The following ABL2 variants were observed in gnomAD, a reference collection of about 807,000 sequenced individuals.
ABL2 encodes ABL proto-oncogene 2, non-receptor tyrosine kinase.
In ABL2, 49 loss-of-function variants were observed where a neutral mutation model predicts 107.7. The ratio of observed to expected loss-of-function variants is 0.45; its 90% CI spans 0.36 to 0.58. The LOEUF (loss-of-function observed/expected upper bound fraction) is 0.58. Ranked by LOEUF, ABL2 falls within the 20% of genes least tolerant of loss-of-function variation. The probability of loss-of-function intolerance (pLI) is 0.00; values close to 1 mark genes in which losing one functional copy is unlikely to be tolerated. For synonymous variants in ABL2, 549 were observed against 548.6 expected, an observed-to-expected ratio of 1.00 and a Z score of -0.01; for missense variants, 1,245 against 1,457.0, an observed-to-expected ratio of 0.85 and a Z score of 2.37.
intron 1 of ABL2, among the ~76,000 whole-genome samples, chr1:179,180,613 G>A (rs1660321856): frequency 6.6e-6 from 1 of 152,104 alleles, no homozygotes; most frequent in African/African-American, 2.4e-5. Context: ...CGTGGCCAAG[G>A]TGCATAAGGG....
chr1:179,107,247 G>A lies in ABL2; in HGVS notation c.*471C>T. 4.2e-6 allele frequency: 1 copy of A among 235,960 alleles called. No individual in the cohort carries two copies. The highest frequency in any genetic ancestry group is 8.4e-6 in the Non-Finnish European group (1 of 119,598). 14.6% of individuals were successfully genotyped at this position (235,960 alleles called of 1,614,324 possible). On this transcript the variant is annotated 3_prime_UTR_variant, in exon 12 of 12. Transcript: ENST00000502732. ...GCTAACAGCTACTTCCAACAGCCCT[G>A]AACAAAAATTTCTCTTGGTACATTC...
chr1:179,219,095 T>G (rs1240135657), intron 1 of ABL2, among the ~76,000 whole-genome samples: 2 of 152,112 alleles, frequency 1.3e-5, no homozygotes, highest in Non-Finnish European at 2.9e-5. Context: ...CAGAATGGAG[T>G]GCAGCGACGT....
At chr1:179,180,092 C>A (rs1423901214) in intron 1 of ABL2, among the ~76,000 whole-genome samples, 1 of 151,472 alleles carries the variant, frequency 6.6e-6, no homozygotes, top group Non-Finnish European at 1.5e-5. Flanking sequence ...TGCACTCCAG[C>A]CTGGGTGACA....
intron 4 of ABL2, among the ~76,000 whole-genome samples, chr1:179,123,831 A>T (rs1655460706): frequency 1.3e-5 from 2 of 152,150 alleles, no homozygotes; most frequent in Admixed American, 6.5e-5. Context: ...AGGTTTCACT[A>T]TATTCCTCAA....
intron 2 of ABL2, among the ~76,000 whole-genome samples, chr1:179,132,556 A>G (rs1656445027): frequency 6.6e-6 from 1 of 151,522 alleles, no homozygotes; most frequent in African/African-American, 2.4e-5. Context: ...TATTATTTTG[A>G]GATGGAGTTT....
At position 179,126,173 on chromosome 1, in the gene ABL2, T is replaced by C. The variant is rs572482002; in HGVS notation, c.687+204A>G. Reference sequence around the variant, plus strand: ...ATCTAGCTTATCTTTAAAATATTAATATAATACTGTTTTTAAAAATTTCTA... The same window carrying C: ...ATCTAGCTTATCTTTAAAATATTAACATAATACTGTTTTTAAAAATTTCTA... On this transcript the variant is annotated intron_variant, in intron 4 of 11. Transcript: ENST00000502732. This position sits in a 1 kb window ranked among gnomAD's most constrained non-coding sequence, Gnocchi z 4.4. Among the ~76,000 whole-genome samples the C allele has an allele frequency of 1.4e-4, 22 of 152,330 alleles. No homozygotes were observed. The highest frequency in any genetic ancestry group is 9.2e-4 in the Admixed American group (14 of 15,298).
intron 1 of ABL2, among the ~76,000 whole-genome samples, chr1:179,164,689 A>G (rs547398377): frequency 6.6e-6 from 1 of 152,120 alleles, no homozygotes; most frequent in South Asian, 2.1e-4. Flanking sequence ...AAGATCTACA[A>G]TACAATCCTT....
chr1:179,142,862 T>C, intron 1 of ABL2: 2 of 1,545,506 alleles, frequency 1.3e-6, no homozygotes, highest in Non-Finnish European at 8.8e-7. Context: ...GATGAATTTT[T>C]TGAAATCTTC....
chr1:179,136,642 C>T (rs2102688257), intron 1 of ABL2, among the ~76,000 whole-genome samples: 1 of 148,820 alleles, frequency 6.7e-6, no homozygotes, highest in Admixed American at 6.7e-5. Flanking sequence ...GCTGACCTTC[C>T]CTCCACTATT....
chr1:179,138,443 G>A (rs905458417), intron 1 of ABL2, among the ~76,000 whole-genome samples: 1 of 152,158 alleles, frequency 6.6e-6, no homozygotes, highest in Non-Finnish European at 1.5e-5. Flanking sequence ...GAAATCCCTA[G>A]TAATTTGAGT....
chr1:179,224,570 A>C (rs944706475), intron 1 of ABL2, among the ~76,000 whole-genome samples: 1 of 151,766 alleles, frequency 6.6e-6, no homozygotes, highest in Non-Finnish European at 1.5e-5. Context: ...CGCCCAGCCT[A>C]AAGTTAATTT....
intron 1 of ABL2, among the ~76,000 whole-genome samples, chr1:179,204,442 A>C (rs987650652): frequency 1.3e-5 from 2 of 152,100 alleles, no homozygotes; most frequent in Non-Finnish European, 2.9e-5. Context: ...CCCAGCAAGG[A>C]ACCTACAAAA....
At chr1:179,151,107 A>T (rs1557958046) in intron 1 of ABL2, among the ~76,000 whole-genome samples, 1 of 152,222 alleles carries the variant, frequency 6.6e-6, no homozygotes, top group Non-Finnish European at 1.5e-5. Flanking sequence ...AAACAAAAAA[A>T]AAATTGTTTG....
chr1:179,153,713 A>G (rs1658508382), intron 1 of ABL2, among the ~76,000 whole-genome samples: 1 of 152,110 alleles, frequency 6.6e-6, no homozygotes, highest in African/African-American at 2.4e-5. Context: ...GAGAGGTAAC[A>G]TTCATAGGTT....
chr1:179,145,031 C>T (rs1294379297), intron 1 of ABL2, among the ~76,000 whole-genome samples: 2 of 152,002 alleles, frequency 1.3e-5, no homozygotes, highest in Non-Finnish European at 2.9e-5. Flanking sequence ...AATGGATAAA[C>T]AAAAGGTGGT....
chr1:179,116,968 T>G, intron 8 of ABL2: 1 of 303,628 alleles, frequency 3.3e-6, no homozygotes, highest in East Asian at 8.1e-5. Flanking sequence ...GCCTCTTGAA[T>G]AGCTGGGATT....
At chr1:179,155,226 A>G (rs906924186) in intron 1 of ABL2, among the ~76,000 whole-genome samples, 3 of 152,168 alleles carry the variant, frequency 2.0e-5, no homozygotes, top group South Asian at 2.1e-4. Context: ...CCAGGCCCCA[A>G]AGTCGGCTGA....
rs1295379480 is a variant in ABL2, at chr1:179,229,649, G to GCCGCCGCCGCCGCCA, written c.-253_-252insTGGCGGCGGCGGCGG. ...CGCCCCCAACGCCGCCGCCGCCGCC[G>GCCGCCGCCGCCGCCA]CCGCCACCGCCGCCGCCATCTTTAA... is the stretch of plus-strand genomic sequence containing the variant. On this transcript the variant is annotated 5_prime_UTR_variant, in exon 1 of 12. Coordinates refer to ENST00000502732, the MANE Select transcript of ABL2 (RefSeq NM_007314.4). 3 of 480,524 alleles carry GCCGCCGCCGCCGCCA rather than the reference G, an allele frequency of 6.2e-6. No individual in the cohort carries two copies. The highest frequency in any genetic ancestry group is 1.1e-5 in the Non-Finnish European group (3 of 281,418). The allele number at this position is 480,524 out of a possible 1,614,324, so 29.8% of individuals were successfully genotyped here.
At chr1:179,124,341 C>T (rs1195619563) in intron 4 of ABL2, among the ~76,000 whole-genome samples, 3 of 151,914 alleles carry the variant, frequency 2.0e-5, no homozygotes, top group Non-Finnish European at 1.5e-5. Flanking sequence ...CCCATGTAAA[C>T]ATCACCCACA....
Sources: gnomAD v4.1 joint callset for allele counts (sites outside exome capture counted in the v4.1 genomes callset) on GRCh38, gnomAD v4.1.1 for gene constraint, Gnocchi (gnomAD v3.1) non-coding constraint, MANE v1.5 for transcripts, NCBI Gene and HGNC (gene_info 2026-07-23, HGNC 2026-07-21) for gene names.